ATAD1: variants seen among roughly 807,000 people sequenced by gnomAD.
The protein encoded by ATAD1 is ATPase family AAA domain containing 1.
In ATAD1, 18 loss-of-function variants were observed where a neutral mutation model predicts 42.7. That is an observed-to-expected ratio of 0.42 (90% confidence interval 0.29 to 0.63). ATAD1 has a LOEUF of 0.63. ATAD1 is among the 20% of genes least tolerant of loss of function. The pLI, the probability that ATAD1 is intolerant of heterozygous loss-of-function variation, is 0.19. For missense variants in ATAD1, 294 were observed against 440.4 expected, an observed-to-expected ratio of 0.67 and a Z score of 2.98; for synonymous variants, 132 against 143.1, an observed-to-expected ratio of 0.92 and a Z score of 0.55.
chr10:87,833,904 T>C (rs1219056808), intron 1 of ATAD1, among the ~76,000 whole-genome samples: 3 of 151,994 alleles, frequency 2.0e-5, no homozygotes, highest in Non-Finnish European at 4.4e-5. Flanking sequence ...TTTGTAGAGA[T>C]AGGGTTTCAC....
intron 1 of ATAD1, among the ~76,000 whole-genome samples, chr10:87,835,283 G>C (rs886704186): frequency 6.6e-6 from 1 of 151,972 alleles, no homozygotes; most frequent in African/African-American, 2.4e-5. Context: ...TATTTTTGCT[G>C]ATTTTCTGTT....
chr10:87,811,264 A>C (rs531692564), intron 2 of ATAD1, among the ~76,000 whole-genome samples: 4 of 152,094 alleles, frequency 2.6e-5, no homozygotes, highest in Non-Finnish European at 5.9e-5. Context: ...ACCCGGAAGA[A>C]GCAGGGTACA....
chr10:87,754,692 C>T lies in ATAD1; in HGVS notation c.1081G>A (p.Asp361Asn). 5 of 1,612,524 alleles carry T rather than the reference C, an allele frequency of 3.1e-6. No individual in the cohort carries two copies. The highest frequency in any genetic ancestry group is 4.2e-6 in the Non-Finnish European group (5 of 1,179,458). The change falls in exon 10 of 10, where the codon GAT becomes AAT. Residue 361 changes from aspartate to asparagine, a missense_variant. Asp to Asn is a conservative substitution (Grantham distance 23). Coordinates refer to ENST00000680024, the MANE Select transcript of ATAD1 (RefSeq NM_001321967.2). The part of the protein sequence containing the change: ...FQNVLTHVCL[D>N] Reference sequence around the variant, plus strand: ...TGTACAAATGATCTTTACTCTTAATCTAAACAAACATGTGTTAAAACATTC... The same window carrying T: ...TGTACAAATGATCTTTACTCTTAATTTAAACAAACATGTGTTAAAACATTC...
At chr10:87,798,813 A>G (rs1374146882) in intron 2 of ATAD1, among the ~76,000 whole-genome samples, 3 of 152,118 alleles carry the variant, frequency 2.0e-5, no homozygotes, top group East Asian at 1.9e-4. Context: ...TAACATGCAA[A>G]TTAAAGGCTA....
intron 8 of ATAD1, among the ~76,000 whole-genome samples, chr10:87,761,191 T>G (rs10082347): frequency 0.33 from 50,876 of 152,002 alleles, 9,005 homozygotes; most frequent in African/African-American, 0.42. Flanking sequence ...AAAATTAAAT[T>G]AATTTTCTTC....
chr10:87,834,628 C>A (rs187686610), intron 1 of ATAD1, among the ~76,000 whole-genome samples: 2 of 152,214 alleles, frequency 1.3e-5, no homozygotes, highest in East Asian at 3.9e-4. Context: ...GATATCTTCT[C>A]TTTCATTCCT....
intron 2 of ATAD1, among the ~76,000 whole-genome samples, chr10:87,800,985 G>A (rs1283954683): frequency 6.6e-6 from 1 of 152,130 alleles, no homozygotes; most frequent in Non-Finnish European, 1.5e-5. Flanking sequence ...CAACATATGG[G>A]CCCCTGTGTC....
At chr10:87,796,451 G>A (rs184720782) in intron 2 of ATAD1, among the ~76,000 whole-genome samples, 116 of 152,272 alleles carry the variant, frequency 7.6e-4, no homozygotes, top group African/African-American at 2.6e-3. Flanking sequence ...TGACCTGGAA[G>A]CCCCCTCCCT....
chr10:87,834,864 A>C (rs1857902925), intron 1 of ATAD1, among the ~76,000 whole-genome samples: 1 of 151,814 alleles, frequency 6.6e-6, no homozygotes, highest in Non-Finnish European at 1.5e-5. Context: ...TGACGTGAGA[A>C]CTTTCTTCTT....
Position 87,784,686 on chromosome 10 carries a change from T to C in ATAD1, c.383-16A>G, listed in dbSNP as rs1023858034. On this transcript the variant is annotated splice_polypyrimidine_tract_variant and intron_variant, in intron 4 of 9. Transcript: ENST00000680024. Reference sequence around the variant, plus strand: ...AGAAGAACACCTGGAAATGAATATGTTATTTATTACCTTTAAGGGGATATT... The same window carrying C: ...AGAAGAACACCTGGAAATGAATATGCTATTTATTACCTTTAAGGGGATATT... The C allele has an allele frequency of 6.2e-6, 10 of 1,602,886 alleles. No homozygotes were observed. The highest frequency in any genetic ancestry group is 1.1e-5 in the South Asian group (1 of 90,570).
rs115753440 is a variant in ATAD1 at position 87,780,100 on chromosome 10, G to A, written c.584-3673C>T. 4.6e-3 allele frequency among the ~76,000 whole-genome samples: 699 copies of A among 152,162 alleles called. 5 individuals carry two copies. Among genetic ancestry groups the A allele is most frequent in the African/African-American group, 0.016 (672 of 41,500 alleles). On this transcript the variant is annotated intron_variant, in intron 5 of 9. Coordinates refer to ENST00000680024, the MANE Select transcript of ATAD1 (RefSeq NM_001321967.2). ...TAGACGAATGGAAAAACTAACTGTGGTACATCTACATAATAGAATATTATT... is the reference window on the plus strand; with the variant it reads ...TAGACGAATGGAAAAACTAACTGTGATACATCTACATAATAGAATATTATT...
intron 2 of ATAD1, among the ~76,000 whole-genome samples, chr10:87,797,714 G>A (rs1856466318): frequency 6.6e-6 from 1 of 152,064 alleles, no homozygotes; most frequent in Admixed American, 6.6e-5. Flanking sequence ...TACAAGTTAG[G>A]GGTGGCTGAG....
Position 87,757,954 on chromosome 10 carries a change from C to A in ATAD1, c.832-1032G>T, listed in dbSNP as rs182248008. ...ACATGAGGGTTACATGAAGATAAATCATGTTTTTTGATAAAAAGAAACTGA... is the reference window on the plus strand; with the variant it reads ...ACATGAGGGTTACATGAAGATAAATAATGTTTTTTGATAAAAAGAAACTGA... On this transcript the variant is annotated intron_variant, in intron 8 of 9. Coordinates refer to ENST00000680024, the MANE Select transcript of ATAD1 (RefSeq NM_001321967.2). Among the ~76,000 whole-genome samples the A allele has an allele frequency of 1.7e-3, 262 of 152,264 alleles. 1 individual carries two copies. The highest frequency in any genetic ancestry group is 5.8e-3 in the Admixed American group (89 of 15,290).
At chr10:87,811,929 A>G (rs1202852795) in intron 2 of ATAD1, among the ~76,000 whole-genome samples, 2 of 152,162 alleles carry the variant, frequency 1.3e-5, no homozygotes, top group Non-Finnish European at 2.9e-5. Flanking sequence ...AACCTCTATA[A>G]AAGATATTAT....
chr10:87,778,620 A>G (rs1384807170), intron 5 of ATAD1, among the ~76,000 whole-genome samples: 1 of 152,168 alleles, frequency 6.6e-6, no homozygotes, highest in Non-Finnish European at 1.5e-5. Context: ...CTGTTATATG[A>G]GGTCAGGCAT....
intron 6 of ATAD1, among the ~76,000 whole-genome samples, chr10:87,775,133 A>G (rs1269112434): frequency 1.3e-5 from 2 of 152,030 alleles, no homozygotes; most frequent in Admixed American, 1.3e-4. Context: ...AGGAAATACT[A>G]AAGTTGGCTG....
At chr10:87,834,570 G>T (rs183154067) in intron 1 of ATAD1, among the ~76,000 whole-genome samples, 1 of 152,256 alleles carries the variant, frequency 6.6e-6, no homozygotes, top group East Asian at 1.9e-4. Flanking sequence ...TGTGTGTTGA[G>T]TTGTTCGTAG....
At chr10:87,779,318 AT>A (rs1286384274) in intron 5 of ATAD1, among the ~76,000 whole-genome samples, 31 of 151,992 alleles carry the variant, frequency 2.0e-4, no homozygotes, top group Non-Finnish European at 4.1e-4. Flanking sequence ...ATAAAATAAA[AT>A]AAAACAAAAT....
chr10:87,818,135 C>A, intron 1 of ATAD1, 32 bp downstream of exon 1: 4 of 985,596 alleles, frequency 4.1e-6, no homozygotes, highest in Non-Finnish European at 4.8e-6. Flanking sequence ...CGACAACCAT[C>A]CCATGAGGCC....
Sources: gnomAD v4.1 joint callset for allele counts (sites outside exome capture counted in the v4.1 genomes callset) on GRCh38, gnomAD v4.1.1 for gene constraint, MANE v1.5 for transcripts, NCBI Gene and HGNC (gene_info 2026-07-23, HGNC 2026-07-21) for gene names.